The following IMMP2L variants were observed in gnomAD, a reference collection of about 807,000 sequenced individuals.
IMMP2L encodes the protein inner mitochondrial membrane peptidase subunit 2.
A neutral mutation model predicts 19.3 loss-of-function variants in IMMP2L; 18 were observed. That is an observed-to-expected ratio of 0.93 (90% CI 0.64 to 1.38). The LOEUF (loss-of-function observed/expected upper bound fraction) is 1.38. Among genes scored for constraint, IMMP2L ranks in the 40% most tolerant of loss-of-function variants. The probability of loss-of-function intolerance (pLI) is 0.00; values close to 1 mark genes in which losing one functional copy is unlikely to be tolerated. For missense variants in IMMP2L, 233 were observed against 218.2 expected, an observed-to-expected ratio of 1.07 and a Z score of -0.43; for synonymous variants, 76 against 73.0, an observed-to-expected ratio of 1.04 and a Z score of -0.21.
intron 3 of IMMP2L, among the ~76,000 whole-genome samples, chr7:111,241,359 G>A (rs1163629822): frequency 6.6e-6 from 1 of 151,894 alleles, no homozygotes; most frequent in South Asian, 2.1e-4. Flanking sequence ...CATAAAGTAT[G>A]ATTTGCTTTG....
chr7:110,970,451 C>T (rs936717806), intron 3 of IMMP2L, among the ~76,000 whole-genome samples: 5 of 151,874 alleles, frequency 3.3e-5, no homozygotes, highest in South Asian at 2.1e-4. Context: ...TATTCTACCA[C>T]GTAACATGGA....
At chr7:111,342,098 A>T (rs1483875941) in intron 3 of IMMP2L, among the ~76,000 whole-genome samples, 1 of 152,194 alleles carries the variant, frequency 6.6e-6, no homozygotes, top group East Asian at 1.9e-4. Flanking sequence ...AACTTTAAGT[A>T]ACCAAAATAT....
At chr7:110,666,920 G>A (rs532014561) in intron 5 of IMMP2L, among the ~76,000 whole-genome samples, 4 of 152,208 alleles carry the variant, frequency 2.6e-5, no homozygotes, top group South Asian at 4.2e-4. Context: ...CTTGTAGGCC[G>A]GAGTGCAGTG....
At chr7:110,966,736 C>T (rs937563963) in intron 3 of IMMP2L, among the ~76,000 whole-genome samples, 1 of 151,838 alleles carries the variant, frequency 6.6e-6, no homozygotes, top group African/African-American at 2.4e-5. Context: ...ACATTAATTC[C>T]ATTACTGCTC....
At chr7:111,095,809 T>C (rs1490269373) in intron 3 of IMMP2L, among the ~76,000 whole-genome samples, 2 of 151,916 alleles carry the variant, frequency 1.3e-5, no homozygotes, top group Non-Finnish European at 2.9e-5. Context: ...ATATACAGTG[T>C]CCACTCTCAG....
At chr7:111,263,554 T>C (rs1313451127) in intron 3 of IMMP2L, among the ~76,000 whole-genome samples, 3 of 152,098 alleles carry the variant, frequency 2.0e-5, no homozygotes, top group Non-Finnish European at 4.4e-5. Context: ...AAGGGGACCA[T>C]TGGATATATG....
chr7:110,791,147 T>G (rs942541856), intron 5 of IMMP2L, among the ~76,000 whole-genome samples: 2 of 151,724 alleles, frequency 1.3e-5, no homozygotes, highest in Non-Finnish European at 2.9e-5. Flanking sequence ...AAGTAAAGAA[T>G]GAAGTACTTG....
At chr7:111,342,403 T>C (rs11983744) in intron 3 of IMMP2L, among the ~76,000 whole-genome samples, 4,878 of 151,910 alleles carry the variant, frequency 0.032, 259 homozygotes, top group African/African-American at 0.11. Context: ...ACCATCCTGG[T>C]CAACATGGTG....
intron 3 of IMMP2L, among the ~76,000 whole-genome samples, chr7:111,138,134 T>A (rs1455775800): frequency 1.3e-5 from 2 of 152,174 alleles, no homozygotes; most frequent in Non-Finnish European, 2.9e-5. Flanking sequence ...ACCAGCCTTG[T>A]GCTACACCTT....
rs576904918 is a variant in IMMP2L, at chr7:111,340,792, C to A, written c.239+146446G>T. Among the ~76,000 whole-genome samples, 3 of 152,208 alleles carry A rather than the reference C, an allele frequency of 2.0e-5. 1 individual carries two copies. The South Asian group carries it at 6.2e-4, about 32-fold the overall frequency. Reference sequence around the variant, plus strand: ...TTCTGTTATAAATAGCAGGAATGAACCTCACCTGCACAATGGTCAGTGAAA... The same window carrying A: ...TTCTGTTATAAATAGCAGGAATGAAACTCACCTGCACAATGGTCAGTGAAA... On this transcript the variant is annotated intron_variant, in intron 3 of 5. Transcript: ENST00000405709.
At chr7:111,369,427 T>C (rs1469068165) in intron 3 of IMMP2L, among the ~76,000 whole-genome samples, 2 of 151,928 alleles carry the variant, frequency 1.3e-5, no homozygotes, top group East Asian at 1.9e-4. Flanking sequence ...ATAATAGTAC[T>C]AGGATTTCAA....
rs1834329054 is a variant in IMMP2L, at chr7:111,410,681, T to C, written c.239+76557A>G. Among the ~76,000 whole-genome samples the C allele has an allele frequency of 2.6e-5, 4 of 151,564 alleles. No homozygotes were observed. The South Asian group carries it at 8.3e-4, about 32-fold the overall frequency. On this transcript the variant is annotated intron_variant, in intron 3 of 5. Transcript: ENST00000405709. The stretch of plus-strand genomic sequence containing the variant: ...AAATAAGTTCAATAAGATTAAAGAC[T>C]TAAAGGAAATATGAACATAACGAGA...
chr7:110,843,812 T>TAA (rs1805351361), intron 5 of IMMP2L, among the ~76,000 whole-genome samples: 1 of 152,128 alleles, frequency 6.6e-6, no homozygotes, highest in Non-Finnish European at 1.5e-5. Context: ...TTCTCTTGGC[T>TAA]AACCAGTGCC....
chr7:111,051,806 C>G (rs1793030086), intron 3 of IMMP2L, among the ~76,000 whole-genome samples: 1 of 152,116 alleles, frequency 6.6e-6, no homozygotes, highest in African/African-American at 2.4e-5. Flanking sequence ...CATAAGCAGC[C>G]TATCTTTTAG....
intron 1 of IMMP2L, among the ~76,000 whole-genome samples, chr7:111,549,006 C>G (rs1849200581): frequency 1.3e-5 from 2 of 151,934 alleles, no homozygotes; most frequent in Admixed American, 1.3e-4. Flanking sequence ...TGATTAAGAC[C>G]CAAGCACACA....
intron 3 of IMMP2L, among the ~76,000 whole-genome samples, chr7:111,008,720 C>G (rs1211316664): frequency 6.6e-6 from 1 of 151,856 alleles, no homozygotes; most frequent in Non-Finnish European, 1.5e-5. Context: ...ATCCTCAGTG[C>G]CTAGAATACT....
chr7:111,089,984 A>G (rs1796688302), intron 3 of IMMP2L, among the ~76,000 whole-genome samples: 1 of 151,954 alleles, frequency 6.6e-6, no homozygotes, highest in Admixed American at 6.6e-5. Flanking sequence ...AAATCTAATA[A>G]GTGCCATTTC....
chr7:110,715,102 G>A (rs899887386), intron 5 of IMMP2L, among the ~76,000 whole-genome samples: 2 of 152,124 alleles, frequency 1.3e-5, no homozygotes, highest in African/African-American at 4.8e-5. Context: ...GTTTCTGTGG[G>A]ATGTGTTGTA....
intron 3 of IMMP2L, among the ~76,000 whole-genome samples, chr7:111,127,731 T>A (rs1316733630): frequency 2.6e-5 from 4 of 152,192 alleles, no homozygotes; most frequent in African/African-American, 9.6e-5. Context: ...CAACTTTACC[T>A]ATAACAAATA....
Sources: gnomAD v4.1 joint callset for allele counts (sites outside exome capture counted in the v4.1 genomes callset) on GRCh38, gnomAD v4.1.1 for gene constraint, MANE v1.5 for transcripts, NCBI Gene and HGNC (gene_info 2026-07-23, HGNC 2026-07-21) for gene names.